The following MPO variants were observed in gnomAD, a reference collection of about 807,000 sequenced individuals.
The protein encoded by MPO is myeloperoxidase.
MPO carries 57 observed loss-of-function variants against 69.4 expected under a neutral mutation model. The observed-to-expected ratio is 0.82, with a 90% confidence interval of 0.66 to 1.02. MPO has a LOEUF of 1.02. Ranked by LOEUF, MPO falls within the 50% of genes least tolerant of loss-of-function variation. The pLI is 0.00. For missense variants in MPO, 971 were observed against 1,014.1 expected, an observed-to-expected ratio of 0.96 and a Z score of 0.58; for synonymous variants, 426 against 417.1, an observed-to-expected ratio of 1.02 and a Z score of -0.26.
chr17:58,278,023 G>GA lies in MPO; in HGVS notation c.1007dup (p.Val337ArgfsTer44). 1 of 1,613,846 alleles carries GA rather than the reference G, an allele frequency of 6.2e-7. No individual in the cohort carries two copies. The highest frequency in any genetic ancestry group is 8.5e-7 in the Non-Finnish European group (1 of 1,180,042). On this transcript the variant is annotated frameshift_variant, in exon 7 of 12. Coordinates refer to ENST00000225275, the MANE Select transcript of MPO (RefSeq NM_000250.2). LOFTEE classifies it high-confidence loss of function. ...TGCCGTACACCATGCTGGCGTCCACGAAGGAAGTGAGCGCGTTGATCTGGT... is the reference window on the plus strand; with the variant it reads ...TGCCGTACACCATGCTGGCGTCCACGAAAGGAAGTGAGCGCGTTGATCTGGT...
intron 7 of MPO, among the ~76,000 whole-genome samples, chr17:58,276,836 C>T (rs952753250): frequency 9.2e-5 from 14 of 152,084 alleles, no homozygotes; most frequent in African/African-American, 3.4e-4. Flanking sequence ...TGGCTGCGTG[C>T]GGTGGCTCAC....
At position 58,272,885 on chromosome 17, in the gene MPO, G is replaced by T; in HGVS notation, c.1655C>A (p.Ala552Asp). 6.2e-7 allele frequency: 1 copy of T among 1,614,140 alleles called. No homozygotes were observed. The change falls in exon 10 of 12, where the codon GCC becomes GAC. Residue 552 changes from alanine (A) to aspartate (D), a missense_variant. Transcript: ENST00000225275. ...GIDPILRGLMATPAKLNRQNQ... is the reference protein window; with the variant it reads ...GIDPILRGLMDTPAKLNRQNQ... ...CTGACGATTCAGCTTGGCAGGGGTG[G>T]CCATGAGGCCCCGGAGGATGGGGTC...
rs1477426621 is a variant in MPO, at chr17:58,273,666, T to C, written c.1369A>G (p.Ile457Val). 6.2e-7 allele frequency: 1 copy of C among 1,614,164 alleles called. No individual in the cohort carries two copies. The highest frequency in any genetic ancestry group is 1.3e-5 in the African/African-American group (1 of 75,042). Residue 457 changes from isoleucine (I) to valine (V), a missense_variant, in exon 9 of 12, where the codon ATC becomes GTC. Physicochemically the swap from Ile to Val is conservative, Grantham distance 29 (BLOSUM62 3). Transcript: ENST00000225275. The stretch of plus-strand genomic sequence containing the variant: ...AGGGGCAGGTAGTCCCGGTAAGTGA[T>C]GATCTAAAGACAAGTCATTTGGAAT... ...RKIVGAMVQI[I>V]TYRDYLPLVL...
In MPO at chr17:58,271,901, G is replaced by C; in HGVS notation, c.1793-9C>G. 1 of 1,613,540 alleles carries C rather than the reference G, an allele frequency of 6.2e-7. No homozygotes were observed. Among genetic ancestry groups the C allele is most frequent in the Non-Finnish European group, 8.5e-7 (1 of 1,179,758 alleles). The stretch of plus-strand genomic sequence containing the variant: ...CCTCCAGGCATTGTATCCTGCATGG[G>C]GGAGGGGACAGGTGGCTATGGGCAG... On this transcript the variant is annotated splice_polypyrimidine_tract_variant and intron_variant, in intron 10 of 11. Coordinates refer to ENST00000225275, the MANE Select transcript of MPO (RefSeq NM_000250.2).
chr17:58,273,732 A>G (rs1436948201), intron 8 of MPO, 63 bp from the exon 9 acceptor site: 2 of 1,612,360 alleles, frequency 1.2e-6, no homozygotes, highest in Non-Finnish European at 1.7e-6. Context: ...GCCGCCTGGC[A>G]GCACAGGAGG....
rs34376256 is a variant in MPO at position 58,278,361 on chromosome 17, C to T, written c.886-216G>A. 1.1e-3 allele frequency among the ~76,000 whole-genome samples: 163 copies of T among 152,250 alleles called. No individual in the cohort carries two copies. The East Asian group carries it at 0.02, about 19-fold the overall frequency. ...CACTGAACTGGGAACCTGGGCAACCCCTGGGTCTGGGCACCGCCAGGCCTC... is the reference window on the plus strand; with the variant it reads ...CACTGAACTGGGAACCTGGGCAACCTCTGGGTCTGGGCACCGCCAGGCCTC... On this transcript the variant is annotated intron_variant, in intron 6 of 11. Coordinates refer to ENST00000225275, the MANE Select transcript of MPO (RefSeq NM_000250.2).
In MPO at chr17:58,273,676, A is replaced by G. The variant is rs565163093; in HGVS notation, c.1366-7T>C. On this transcript the variant is annotated splice_polypyrimidine_tract_variant and splice_region_variant and intron_variant, in intron 8 of 11. Coordinates refer to ENST00000225275, the MANE Select transcript of MPO (RefSeq NM_000250.2). ...AGTCCCGGTAAGTGATGATCTAAAG[A>G]CAAGTCATTTGGAATGGCCTCTCCA... The G allele has an allele frequency of 6.2e-7, 1 of 1,614,148 alleles. No individual in the cohort carries two copies. Among genetic ancestry groups the G allele is most frequent in the South Asian group, 1.1e-5 (1 of 91,084 alleles).
chr17:58,278,814 C>T (rs1393330393), intron 6 of MPO, 194 bp downstream of exon 6: 1 of 700,314 alleles, frequency 1.4e-6, no homozygotes. Context: ...ACGGCCCTGG[C>T]TGCCAGCTGG....
chr17:58,271,183 G>A (rs535481680), intron 11 of MPO, among the ~76,000 whole-genome samples: 1 of 152,194 alleles, frequency 6.6e-6, no homozygotes, highest in South Asian at 2.1e-4. Flanking sequence ...GCATCCACAG[G>A]AGTGGAAGAG....
Position 58,272,677 on chromosome 17 carries a change from G to T in MPO, c.1792+71C>A. 6.5e-6 allele frequency: 10 copies of T among 1,549,218 alleles called. No individual in the cohort carries two copies. The East Asian group carries it at 6.8e-5, about 10-fold the overall frequency. On this transcript the variant is annotated intron_variant, in intron 10 of 11. Transcript: ENST00000225275. ...AGGGCAGGGACCCTAGAGTGGGAAG[G>T]GGGGTGATGGGCTACCTAGGAGGCA...
chr17:58,273,734 C>A, intron 8 of MPO, 65 bp from the exon 9 acceptor site: 1 of 1,611,588 alleles, frequency 6.2e-7, no homozygotes, highest in Non-Finnish European at 8.5e-7. Context: ...CGCCTGGCAG[C>A]ACAGGAGGGC....
chr17:58,277,638 T>C, intron 7 of MPO, 189 bp downstream of exon 7: 1 of 835,550 alleles, frequency 1.2e-6, no homozygotes, highest in Non-Finnish European at 1.9e-6. Flanking sequence ...GGTTGTTTGC[T>C]TTTCTGCTTT....
At chr17:58,273,709 C>G (rs760737330) in intron 8 of MPO, 40 bp from the exon 9 acceptor site, 2 of 1,614,002 alleles carry the variant, frequency 1.2e-6, no homozygotes, top group South Asian at 2.2e-5. Flanking sequence ...CCACCCACTC[C>G]TCCACAGCAA....
Position 58,270,979 on chromosome 17 carries a change from G to A in MPO, c.2031-116C>T. On this transcript the variant is annotated intron_variant, in intron 11 of 11. Transcript: ENST00000225275. This position sits in a 1 kb window ranked among gnomAD's most constrained non-coding sequence, Gnocchi z 4.1. Reference sequence around the variant, plus strand: ...AAGCCACAACAAATGCCACCTGGAAGCACAGGAGGGCCCCAGGCCCTTGGG... The same window carrying A: ...AAGCCACAACAAATGCCACCTGGAAACACAGGAGGGCCCCAGGCCCTTGGG... 2 of 1,131,832 alleles carry A rather than the reference G, an allele frequency of 1.8e-6. No individual in the cohort carries two copies. The highest frequency in any genetic ancestry group is 2.6e-5 in the South Asian group (2 of 76,180). The allele number at this position is 1,131,832 out of a possible 1,614,324, so 70.1% of individuals were successfully genotyped here.
Position 58,280,721 on chromosome 17 carries a change from A to G in MPO, c.38T>C (p.Val13Ala). 4 of 1,614,186 alleles carry G rather than the reference A, an allele frequency of 2.5e-6. No homozygotes were observed. Among genetic ancestry groups the G allele is most frequent in the Non-Finnish European group, 3.4e-6 (4 of 1,180,030 alleles). Reference sequence around the variant, plus strand: ...CCCAGCCCAGCAAGGTCCTAAGTCCACCATGCATCTGAGAGAAGAGAAGAA... The same window carrying G: ...CCCAGCCCAGCAAGGTCCTAAGTCCGCCATGCATCTGAGAGAAGAGAAGAA... ...VPFFSSLRCM[V>A]DLGPCWAGGL... Residue 13 changes from valine to alanine, a missense_variant, in exon 1 of 12, where the codon GTG (valine) becomes GCG (alanine). Transcript: ENST00000225275.
At chr17:58,280,143 A>G in intron 2 of MPO, 129 bp from the exon 3 acceptor site, 1 of 1,264,036 alleles carries the variant, frequency 7.9e-7, no homozygotes, top group Non-Finnish European at 1.1e-6. Flanking sequence ...TTCCTTTTAT[A>G]AAAAGGATAT....
intron 11 of MPO, 107 bp downstream of exon 11, chr17:58,271,548 A>T: frequency 9.0e-7 from 1 of 1,114,172 alleles, no homozygotes; most frequent in Non-Finnish European, 1.3e-6. Flanking sequence ...CTGGAAAATT[A>T]CTGACTCCCT....
At chr17:58,272,596 G>A (rs1237745604) in intron 10 of MPO, 152 bp downstream of exon 10, 1 of 813,950 alleles carries the variant, frequency 1.2e-6, no homozygotes, top group Non-Finnish European at 1.8e-6. Flanking sequence ...GGAAAAGGCA[G>A]GGGCCTGGCC....
intron 7 of MPO, among the ~76,000 whole-genome samples, chr17:58,276,973 T>C (rs947339260): frequency 2.6e-5 from 4 of 152,090 alleles, no homozygotes; most frequent in African/African-American, 9.7e-5. Context: ...CCAAGTGTGG[T>C]GGCAGGCGCC....
Sources: allele counts gnomAD v4.1 joint callset (sites outside exome capture counted in the v4.1 genomes callset), GRCh38; gene constraint gnomAD v4.1.1; non-coding constraint Gnocchi (gnomAD v3.1); transcripts MANE v1.5; gene names NCBI Gene and HGNC (gene_info 2026-07-23, HGNC 2026-07-21).